TRIM2: variants seen among roughly 807,000 people sequenced by gnomAD.
TRIM2 encodes the protein tripartite motif containing 2.
Under a neutral mutation model 75.2 loss-of-function variants are expected in TRIM2, and 20 were observed. That is an observed-to-expected ratio of 0.27 (90% CI 0.19 to 0.39). TRIM2 has a LOEUF of 0.39. Ranked by LOEUF, TRIM2 falls within the 10% of genes least tolerant of loss-of-function variation. TRIM2 has a pLI of 1.00. For synonymous variants in TRIM2, 373 were observed against 388.3 expected (o/e 0.96, Z 0.46); for missense variants, 660 against 990.8 (o/e 0.67, Z 4.48).
intron 1 of TRIM2, among the ~76,000 whole-genome samples, chr4:153,236,310 C>CGAAA (rs1460625808): frequency 1.3e-5 from 2 of 152,088 alleles, no homozygotes; most frequent in East Asian, 3.8e-4. Context: ...ATGTTCTAGC[C>CGAAA]TTTTCTTCTA....
upstream of TRIM2, among the ~76,000 whole-genome samples, chr4:153,201,326 T>C (rs1734346774): frequency 6.6e-6 from 1 of 152,192 alleles, no homozygotes; most frequent in African/African-American, 2.4e-5. Flanking sequence ...CATGTGTTTG[T>C]TGGACATTTA....
At chr4:153,313,924 A>G (rs531787657) in intron 6 of TRIM2, among the ~76,000 whole-genome samples, 1 of 152,134 alleles carries the variant, frequency 6.6e-6, no homozygotes, top group Non-Finnish European at 1.5e-5. Flanking sequence ...GGCATGAGCC[A>G]CTGTTCCCGG....
At chr4:153,325,803 T>G (rs1028142494) in intron 10 of TRIM2, among the ~76,000 whole-genome samples, 3 of 152,222 alleles carry the variant, frequency 2.0e-5, no homozygotes, top group Admixed American at 2.0e-4. Flanking sequence ...TCTCAGAGCC[T>G]TTCCTGTCCA....
At chr4:153,242,327 TTTTC>T (rs1746850941) in intron 1 of TRIM2, among the ~76,000 whole-genome samples, 1 of 152,110 alleles carries the variant, frequency 6.6e-6, no homozygotes, top group African/African-American at 2.4e-5. Context: ...TCTTTTTTTT[TTTTC>T]TTTCCTATTC....
In TRIM2 at chr4:153,335,743, C is replaced by T. The variant is rs3749538; in HGVS notation, c.*777C>T. 158,874 of 985,646 alleles carry T rather than the reference C, an allele frequency of 0.16. 13,111 individuals are homozygous for T. The highest frequency in any genetic ancestry group is 0.25 in the African/African-American group (14,353 of 57,304). 61.1% of individuals were successfully genotyped at this position (985,646 alleles called of 1,614,324 possible). The stretch of plus-strand genomic sequence containing the variant: ...CTACCTTTTGGGAAACAAACTGCCC[C>T]GTTAACTCCAGATCATTGCACTGGA... On this transcript the variant is annotated 3_prime_UTR_variant, in exon 12 of 12. Transcript: ENST00000338700.
intron 3 of TRIM2, among the ~76,000 whole-genome samples, chr4:153,283,651 T>G (rs1759869203): frequency 1.1e-5 from 1 of 88,616 alleles, no homozygotes; most frequent in East Asian, 2.1e-4. Flanking sequence ...TCTTTTTTTT[T>G]TTTTTTGAGA....
Position 153,297,782 on chromosome 4 carries a change from A to G in TRIM2, c.1510+1746A>G, listed in dbSNP as rs374187134. ...CACCAGCTGGGCAACTGGCTTACTT[A>G]CCCTTTTTGAACAGTGTTTTCTCCT... On this transcript the variant is annotated intron_variant, in intron 6 of 11. Transcript: ENST00000338700. 5.9e-5 allele frequency among the ~76,000 whole-genome samples: 9 copies of G among 152,286 alleles called. No individual in the cohort carries two copies. The East Asian group carries it at 1.4e-3, about 23-fold the overall frequency.
chr4:153,261,342 GAACCT>G (rs1753532908), intron 1 of TRIM2, among the ~76,000 whole-genome samples: 1 of 152,114 alleles, frequency 6.6e-6, no homozygotes, highest in East Asian at 1.9e-4. Flanking sequence ...AGCATCACTT[GAACCT>G]GGGAGGTGGA....
chr4:153,338,655 TAC>T lies in TRIM2; in HGVS notation c.*3691_*3692del. On this transcript the variant is annotated 3_prime_UTR_variant, in exon 12 of 12. Coordinates refer to ENST00000338700, the MANE Select transcript of TRIM2 (RefSeq NM_015271.5). Reference sequence around the variant, plus strand: ...TGTTTTGTTTTCAATGACAGTAAGCTACAAATCATGATGCTTAAAAACTTTCT... The same window carrying T: ...TGTTTTGTTTTCAATGACAGTAAGCTAAATCATGATGCTTAAAAACTTTCT... 2 of 985,818 alleles carry T rather than the reference TAC, an allele frequency of 2.0e-6. No homozygotes were observed. Among genetic ancestry groups the T allele is most frequent in the East Asian group, 2.3e-4 (2 of 8,822 alleles). 61.1% of individuals were successfully genotyped at this position (985,818 alleles called of 1,614,324 possible). A position where few individuals can be genotyped will look rare whatever the true frequency, so the allele number is the denominator to read the frequency against.
At chr4:153,188,163 A>C (rs1732801485) in intron 1 of TRIM2, among the ~76,000 whole-genome samples, 2 of 152,220 alleles carry the variant, frequency 1.3e-5, no homozygotes, top group African/African-American at 4.8e-5. Flanking sequence ...TGTACAGAAT[A>C]CTTGTAAGAG....
intron 6 of TRIM2, among the ~76,000 whole-genome samples, chr4:153,297,089 C>G (rs1762919295): frequency 6.6e-6 from 1 of 152,180 alleles, no homozygotes; most frequent in Non-Finnish European, 1.5e-5. Context: ...ATCCAAACTT[C>G]CAACCATAGA....
At chr4:153,264,005 T>C (rs1437521911) in intron 1 of TRIM2, among the ~76,000 whole-genome samples, 1 of 152,114 alleles carries the variant, frequency 6.6e-6, no homozygotes, top group Non-Finnish European at 1.5e-5. Flanking sequence ...GACACAGACA[T>C]GGAGTCTATA....
rs969266350 is a variant in TRIM2, at chr4:153,156,411, C to T, written c.-49+3141C>T. Among the ~76,000 whole-genome samples the T allele has an allele frequency of 2.6e-5, 4 of 152,164 alleles. No homozygotes were observed. The South Asian group carries it at 6.2e-4, about 24-fold the overall frequency. On this transcript the variant is annotated intron_variant, in intron 1 of 11. Transcript: ENST00000437508. ...CCTGGCTGTAAATTAAGGAGGCTGC[C>T]CCCTGGAGATTCTGAGACAGTGAGA...
chr4:153,260,716 A>C, intron 1 of TRIM2, among the ~76,000 whole-genome samples: 2 of 75,366 alleles, frequency 2.7e-5, no homozygotes, highest in Non-Finnish European at 5.2e-5. Flanking sequence ...ACACACACAC[A>C]CACACACACA....
At chr4:153,199,165 C>T (rs1456314673) in intron 1 of TRIM2, among the ~76,000 whole-genome samples, 1 of 152,198 alleles carries the variant, frequency 6.6e-6, no homozygotes, top group Admixed American at 6.5e-5. Flanking sequence ...TTCAGCTCTA[C>T]AGAATTGTGT....
At chr4:153,230,015 GA>G (rs1244208697) in intron 1 of TRIM2, among the ~76,000 whole-genome samples, 1 of 152,178 alleles carries the variant, frequency 6.6e-6, no homozygotes, top group Non-Finnish European at 1.5e-5. Context: ...GGCCGAGGGG[GA>G]CAGGAGTTCA....
intron 3 of TRIM2, among the ~76,000 whole-genome samples, chr4:153,288,291 G>A (rs1466184704): frequency 1.3e-5 from 2 of 152,056 alleles, no homozygotes; most frequent in Non-Finnish European, 2.9e-5. Context: ...ACAAAAATTA[G>A]CCAGGGATGG....
At position 153,294,615 on chromosome 4, in the gene TRIM2, A is replaced by G. The variant is rs555932803; in HGVS notation, c.786+130A>G. On this transcript the variant is annotated intron_variant, in intron 5 of 11. Coordinates refer to ENST00000338700, the MANE Select transcript of TRIM2 (RefSeq NM_015271.5). ...TATAGTAAACTATAGTTTTCACTGA[A>G]TGTAATATCCAGCTATTTTTTCCCC... 8 of 968,900 alleles carry G rather than the reference A, an allele frequency of 8.3e-6. No individual in the cohort carries two copies. The South Asian group carries it at 1.2e-4, about 15-fold the overall frequency. The allele number at this position is 968,900 out of a possible 1,614,324, so 60.0% of individuals were successfully genotyped here.
At position 153,315,508 on chromosome 4, in the gene TRIM2, G is replaced by C. The variant is rs945586851; in HGVS notation, c.1534G>C (p.Glu512Gln). The change falls in exon 7 of 12, where the codon GAG (glutamate) becomes CAG (glutamine). Residue 512 changes from glutamate (E) to glutamine (Q), a missense_variant. By Grantham distance (29) the Glu-to-Gln change is conservative. Coordinates refer to ENST00000338700, the MANE Select transcript of TRIM2 (RefSeq NM_015271.5). ...AGGTACCAAAGGAAGAAATAAAGGAGAGTTTACAAATCTTCAGGGGGTAGC... is the reference window on the plus strand; with the variant it reads ...AGGTACCAAAGGAAGAAATAAAGGACAGTTTACAAATCTTCAGGGGGTAGC... ...RVGTKGRNKG[E>Q]FTNLQGVAAS... 3 of 1,605,708 alleles carry C rather than the reference G, an allele frequency of 1.9e-6. No homozygotes were observed. Among genetic ancestry groups the C allele is most frequent in the African/African-American group, 2.7e-5 (2 of 74,234 alleles).
Sources: allele counts gnomAD v4.1 joint callset (sites outside exome capture counted in the v4.1 genomes callset), GRCh38; gene constraint gnomAD v4.1.1; transcripts MANE v1.5; gene names NCBI Gene and HGNC (gene_info 2026-07-23, HGNC 2026-07-21).